The following OXR1 variants were observed in gnomAD, a reference collection of about 807,000 sequenced individuals.
The protein encoded by OXR1 is oxidation resistance protein 1.
A neutral mutation model predicts 104.6 loss-of-function variants in OXR1; 41 were observed. The ratio of observed to expected loss-of-function variants is 0.39; its 90% CI spans 0.31 to 0.51. OXR1 has a LOEUF of 0.51. OXR1 is among the 20% of genes least tolerant of loss of function. OXR1 has a pLI of 0.77. For missense variants in OXR1, 955 were observed against 1,031.9 expected, an observed-to-expected ratio of 0.93 and a Z score of 1.02; for synonymous variants, 348 against 348.4, an observed-to-expected ratio of 1.00 and a Z score of 0.01.
At chr8:106,631,752 C>G (rs1822704934) in intron 3 of OXR1, among the ~76,000 whole-genome samples, 3 of 152,084 alleles carry the variant, frequency 2.0e-5, no homozygotes, top group Admixed American at 1.3e-4. Flanking sequence ...AATCAGCCTA[C>G]TAAGAAAGAT....
intron 2 of OXR1, among the ~76,000 whole-genome samples, chr8:106,369,688 T>G (rs538735209): frequency 1.1e-4 from 16 of 152,340 alleles, no homozygotes; most frequent in African/African-American, 3.8e-4. Context: ...GTCAGGTTTG[T>G]TGAAGATCAG....
intron 3 of OXR1, among the ~76,000 whole-genome samples, chr8:106,544,858 G>T (rs1464774569): frequency 6.6e-6 from 1 of 152,066 alleles, no homozygotes; most frequent in East Asian, 1.9e-4. Context: ...TACATAGACT[G>T]GAATTTCGCC....
At chr8:106,644,029 GT>G (rs944160296) in intron 3 of OXR1, among the ~76,000 whole-genome samples, 2 of 152,242 alleles carry the variant, frequency 1.3e-5, no homozygotes, top group Admixed American at 1.3e-4. Context: ...GCCTACATGT[GT>G]TTTACAAGTT....
intron 3 of OXR1, among the ~76,000 whole-genome samples, chr8:106,531,545 T>C (rs1468288759): frequency 6.6e-6 from 1 of 152,198 alleles, no homozygotes; most frequent in East Asian, 1.9e-4. Flanking sequence ...GCAAAAATTA[T>C]CTTTGATAAC....
At chr8:106,418,394 T>C (rs993861402) in intron 2 of OXR1, among the ~76,000 whole-genome samples, 4 of 152,080 alleles carry the variant, frequency 2.6e-5, no homozygotes, top group African/African-American at 9.7e-5. Flanking sequence ...TGAGCAAAAA[T>C]TCAAATGTTA....
At chr8:106,330,949 C>A (rs183599906) in intron 1 of OXR1, among the ~76,000 whole-genome samples, 1 of 152,228 alleles carries the variant, frequency 6.6e-6, no homozygotes, top group East Asian at 1.9e-4. Flanking sequence ...ATAAAAGTGA[C>A]CCCCCAAAAA....
intron 2 of OXR1, among the ~76,000 whole-genome samples, chr8:106,425,083 GTTTTTTTTT>G (rs748444311): frequency 1.2e-5 from 1 of 83,660 alleles, no homozygotes; most frequent in Non-Finnish European, 2.2e-5. Flanking sequence ...GTTTGGTTTG[GTTTTTTTTT>G]TTTTTTTTTT....
At chr8:106,626,110 T>A (rs1822134909) in intron 3 of OXR1, among the ~76,000 whole-genome samples, 1 of 151,640 alleles carries the variant, frequency 6.6e-6, no homozygotes, top group African/African-American at 2.4e-5. Context: ...ACAATTTTCT[T>A]AAGTTGAAAA....
chr8:106,732,811 T>C (rs148043770), intron 11 of OXR1, among the ~76,000 whole-genome samples: 58 of 152,280 alleles, frequency 3.8e-4, no homozygotes, highest in African/African-American at 1.3e-3. Context: ...TTTTTGCATA[T>C]ATGTTAATGA....
At position 106,706,933 on chromosome 8, in the gene OXR1, G is replaced by C. The variant is rs1353733803; in HGVS notation, c.1412G>C (p.Gly471Ala). The change falls in exon 9 of 17, where the codon GGG becomes GCG. Residue 471 changes from glycine (G) to alanine (A), a missense_variant. Physicochemically the swap from Gly to Ala is moderately conservative, Grantham distance 60 (BLOSUM62 0). Around this residue, in one of 2 missense-constraint regions of OXR1, gnomAD observed 849 missense variants for 852.9 expected, o/e 1.00. Coordinates refer to ENST00000517566, the MANE Select transcript of OXR1 (RefSeq NM_001198533.2). ...EESQKENMPCGETAEFKQKQS... is the reference protein window; with the variant it reads ...EESQKENMPCAETAEFKQKQS... Reference sequence around the variant, plus strand: ...AGTCAAAAAGAAAATATGCCTTGTGGGGAAACAGCAGAATTTAAACAAAAG... The same window carrying C: ...AGTCAAAAAGAAAATATGCCTTGTGCGGAAACAGCAGAATTTAAACAAAAG... 6.2e-7 allele frequency: 1 copy of C among 1,612,880 alleles called. No homozygotes were observed. The highest frequency in any genetic ancestry group is 1.7e-5 in the Admixed American group (1 of 59,704).
At chr8:106,584,189 A>T (rs568774443) in intron 3 of OXR1, among the ~76,000 whole-genome samples, 3 of 152,192 alleles carry the variant, frequency 2.0e-5, no homozygotes, top group African/African-American at 7.2e-5. Flanking sequence ...GCTTTGAAGG[A>T]AATGTTTCTG....
At chr8:106,551,228 T>C (rs1815776745) in intron 3 of OXR1, among the ~76,000 whole-genome samples, 1 of 152,172 alleles carries the variant, frequency 6.6e-6, no homozygotes, top group Non-Finnish European at 1.5e-5. Context: ...TTTTAGGAAA[T>C]AGTCAATTAA....
chr8:106,587,914 G>A (rs1046715468), intron 3 of OXR1, among the ~76,000 whole-genome samples: 3 of 152,018 alleles, frequency 2.0e-5, no homozygotes, highest in Admixed American at 6.6e-5. Flanking sequence ...TAATAGATCC[G>A]TGAAGGTAAG....
chr8:106,709,820 T>C (rs1167303976), intron 9 of OXR1, among the ~76,000 whole-genome samples: 1 of 152,114 alleles, frequency 6.6e-6, no homozygotes, highest in South Asian at 2.1e-4. Context: ...GTAATAAATA[T>C]AAAAGTGTCT....
chr8:106,745,597 G>A (rs1165967966), intron 15 of OXR1, among the ~76,000 whole-genome samples, 192 bp from the exon 16 acceptor site: 7 of 152,108 alleles, frequency 4.6e-5, no homozygotes. Context: ...GTGATAGAGT[G>A]TGTGCTTTCA....
intron 2 of OXR1, among the ~76,000 whole-genome samples, chr8:106,478,422 A>G (rs2444315): frequency 0.11 from 16,376 of 151,884 alleles, 964 homozygotes; most frequent in African/African-American, 0.15. Context: ...GAAGTTGACA[A>G]AGATTACATT....
chr8:106,282,388 C>A (rs564830300), intron 1 of OXR1, among the ~76,000 whole-genome samples: 18 of 152,240 alleles, frequency 1.2e-4, no homozygotes, highest in Non-Finnish European at 2.1e-4. Flanking sequence ...GATTATTAGA[C>A]CTGCTGTTAG....
At chr8:106,413,172 G>GAATCCTGTT (rs1818531445) in intron 2 of OXR1, among the ~76,000 whole-genome samples, 1 of 151,840 alleles carries the variant, frequency 6.6e-6, no homozygotes, top group African/African-American at 2.4e-5. Context: ...CATCATATAG[G>GAATCCTGTT]AATCCTGTTT....
intron 2 of OXR1, among the ~76,000 whole-genome samples, chr8:106,457,797 T>C (rs1820680190): frequency 6.6e-6 from 1 of 152,156 alleles, no homozygotes; most frequent in Non-Finnish European, 1.5e-5. Flanking sequence ...CCATCCTTCT[T>C]ACAAAATGGC....
Sources: allele counts gnomAD v4.1 joint callset (sites outside exome capture counted in the v4.1 genomes callset), GRCh38; gene constraint gnomAD v4.1.1; regional missense constraint gnomAD v4.1.1; transcripts MANE v1.5; gene names NCBI Gene and HGNC (gene_info 2026-07-23, HGNC 2026-07-21).